The following OSMR variants were observed in gnomAD, a reference collection of about 807,000 sequenced individuals.
OSMR encodes the protein oncostatin-M-specific receptor subunit beta.
A neutral mutation model predicts 99.9 loss-of-function variants in OSMR; 81 were observed. The ratio of observed to expected loss-of-function variants is 0.81; its 90% confidence interval spans 0.68 to 0.97. The LOEUF (loss-of-function observed/expected upper bound fraction) is 0.97, where lower values mean the gene tolerates loss of function less well. Among genes scored for constraint, OSMR ranks in the 50% least tolerant of loss-of-function variants. The probability of loss-of-function intolerance (pLI) is 0.00; values close to 1 mark genes in which losing one functional copy is unlikely to be tolerated. For synonymous variants in OSMR, 406 were observed against 410.4 expected (o/e 0.99, Z 0.13); for missense variants, 1,099 against 1,153.4 (o/e 0.95, Z 0.68).
rs199638937 is a variant in OSMR, at chr5:38,933,012, C to T, written c.2508C>T (p.Asn836=). 6.2e-7 allele frequency: 1 copy of T among 1,614,198 alleles called. No individual in the cohort carries two copies. Among genetic ancestry groups the T allele is most frequent in the Non-Finnish European group, 8.5e-7 (1 of 1,180,018 alleles). The change falls in exon 18 of 18, where the codon AAC becomes AAT. Residue 836 remains asparagine, a synonymous_variant. Transcript: ENST00000274276. ...SLTETELTKP[N]YLYLLPTEKN... is the part of the protein sequence containing the mutation. The stretch of plus-strand genomic sequence containing the variant: ...CAGAAACCGAGTTGACTAAGCCTAA[C>T]TACCTTTATCTCCTTCCAACAGAAA...
intron 1 of OSMR, among the ~76,000 whole-genome samples, chr5:38,862,799 A>G (rs1421313368): frequency 2.6e-5 from 4 of 151,808 alleles, no homozygotes; most frequent in African/African-American, 2.4e-5. Context: ...GCACTTTGGG[A>G]GGCCAAGGCA....
At chr5:38,884,168 A>G in intron 5 of OSMR, 57 bp downstream of exon 5, 1 of 1,258,028 alleles carries the variant, frequency 7.9e-7, no homozygotes, top group Non-Finnish European at 1.2e-6. Context: ...AATAGATTAA[A>G]TCTCCTTTAC....
At chr5:38,864,733 A>G (rs1741803951) in intron 1 of OSMR, among the ~76,000 whole-genome samples, 1 of 152,064 alleles carries the variant, frequency 6.6e-6, no homozygotes, top group South Asian at 2.1e-4. Flanking sequence ...GGGGTTGAAT[A>G]TCTTTTGGGA....
chr5:38,909,989 C>T (rs1456929324), intron 9 of OSMR, among the ~76,000 whole-genome samples: 4 of 152,174 alleles, frequency 2.6e-5, no homozygotes, highest in Non-Finnish European at 4.4e-5. Context: ...ACCTATATCA[C>T]ACGCAGTGAC....
chr5:38,921,529 T>A lies in OSMR; in HGVS notation c.1586-86T>A, dbSNP rs1218603244. ...TCTGTTACCTACTAGATACAGTGCA[T>A]GTATGTATTTACTTTCTACCTTACA... On this transcript the variant is annotated intron_variant, in intron 11 of 17. Transcript: ENST00000274276. 3 of 1,598,920 alleles carry A rather than the reference T, an allele frequency of 1.9e-6. No homozygotes were observed. The African/African-American group carries it at 4.0e-5, about 22-fold the overall frequency.
intron 7 of OSMR, among the ~76,000 whole-genome samples, chr5:38,891,851 C>T (rs148201140): frequency 5.3e-5 from 8 of 152,308 alleles, no homozygotes; most frequent in Non-Finnish European, 8.8e-5. Context: ...GTTTGGGCTT[C>T]TAGTGCAGCA....
At chr5:38,858,057 C>T (rs1396282992) in intron 1 of OSMR, among the ~76,000 whole-genome samples, 1 of 152,062 alleles carries the variant, frequency 6.6e-6, no homozygotes, top group Non-Finnish European at 1.5e-5. Flanking sequence ...GCATAAAATG[C>T]GTAGTAATTA....
chr5:38,932,347 T>C, intron 16 of OSMR, 116 bp from the exon 17 acceptor site: 4 of 769,494 alleles, frequency 5.2e-6, no homozygotes, highest in Non-Finnish European at 9.3e-6. Flanking sequence ...ATTAAGTAAC[T>C]TGCTTAATAA....
chr5:38,897,643 CA>C, intron 7 of OSMR, among the ~76,000 whole-genome samples: 1 of 151,852 alleles, frequency 6.6e-6, no homozygotes, highest in South Asian at 2.1e-4. Flanking sequence ...ATTTCATCTC[CA>C]ATCTTTATTA....
chr5:38,880,934 T>C (rs1389915132), intron 3 of OSMR, among the ~76,000 whole-genome samples: 1 of 152,174 alleles, frequency 6.6e-6, no homozygotes, highest in Non-Finnish European at 1.5e-5. Context: ...TAGAAAACAG[T>C]GTAAGACATT....
At chr5:38,855,039 C>G (rs1453712926) in intron 1 of OSMR, among the ~76,000 whole-genome samples, 1 of 152,122 alleles carries the variant, frequency 6.6e-6, no homozygotes, top group African/African-American at 2.4e-5. Context: ...AGAGGAGACA[C>G]CACCAAGGTT....
At chr5:38,853,758 A>T (rs768336553) in intron 1 of OSMR, among the ~76,000 whole-genome samples, 65 of 152,302 alleles carry the variant, frequency 4.3e-4, no homozygotes, top group African/African-American at 1.3e-3. Flanking sequence ...TTGCGTTTTT[A>T]AAAAATCAGT....
At chr5:38,858,125 A>G (rs1258718572) in intron 1 of OSMR, among the ~76,000 whole-genome samples, 1 of 152,190 alleles carries the variant, frequency 6.6e-6, no homozygotes, top group Non-Finnish European at 1.5e-5. Context: ...TTTGTGTTGG[A>G]GAAATTTTTT....
At chr5:38,866,559 A>G (rs112480830) in intron 1 of OSMR, among the ~76,000 whole-genome samples, 10,088 of 152,206 alleles carry the variant, frequency 0.066, 887 homozygotes, top group East Asian at 0.46. Context: ...ACACAGCCAC[A>G]CTGCTGGGTC....
chr5:38,936,174 C>G (rs1343581921), downstream of OSMR, among the ~76,000 whole-genome samples: 1 of 152,168 alleles, frequency 6.6e-6, no homozygotes, highest in African/African-American at 2.4e-5. Flanking sequence ...TGTATCATCA[C>G]TAGCCCCAAT....
chr5:38,910,079 A>G (rs1310824187), intron 9 of OSMR, among the ~76,000 whole-genome samples: 2 of 152,210 alleles, frequency 1.3e-5, no homozygotes, highest in South Asian at 4.1e-4. Flanking sequence ...TGGTATTCCA[A>G]TTTCTGTCAA....
At chr5:38,879,649 A>AG (rs1452438134) in intron 3 of OSMR, among the ~76,000 whole-genome samples, 1 of 117,454 alleles carries the variant, frequency 8.5e-6, no homozygotes, top group African/African-American at 3.4e-5. Context: ...TTTGAGATGG[A>AG]GTCTCACTCT....
chr5:38,866,932 A>G (rs1388223224), intron 1 of OSMR, among the ~76,000 whole-genome samples: 2 of 152,082 alleles, frequency 1.3e-5, no homozygotes, highest in Admixed American at 1.3e-4. Context: ...CTCTGAGCCA[A>G]TCCTGGCTGG....
intron 9 of OSMR, among the ~76,000 whole-genome samples, chr5:38,906,425 T>G (rs569165816): frequency 6.6e-6 from 1 of 152,194 alleles, no homozygotes; most frequent in African/African-American, 2.4e-5. Context: ...CATGCTTAAG[T>G]ATAATTATAG....
Sources: gnomAD v4.1 joint callset for allele counts (sites outside exome capture counted in the v4.1 genomes callset) on GRCh38, gnomAD v4.1.1 for gene constraint, MANE v1.5 for transcripts, NCBI Gene and HGNC (gene_info 2026-07-23, HGNC 2026-07-21) for gene names.